Variants in PCDHGB5 observed in about 807,000 individuals in gnomAD.
PCDHGB5 encodes protocadherin gamma-B5.
PCDHGB5 carries 48 observed loss-of-function variants against 62.9 expected under a neutral mutation model. The observed-to-expected ratio is 0.76, with a 90% CI of 0.61 to 0.97. PCDHGB5 has a LOEUF of 0.97. Among genes scored for constraint, PCDHGB5 ranks in the 50% least tolerant of loss-of-function variants. The pLI, the probability that PCDHGB5 is intolerant of heterozygous loss-of-function variation, is 0.00. For synonymous variants in PCDHGB5, 474 were observed against 511.2 expected, an observed-to-expected ratio of 0.93 and a Z score of 0.98; for missense variants, 1,118 against 1,198.6, an observed-to-expected ratio of 0.93 and a Z score of 0.99.
At chr5:141,414,733 G>A (rs768741206) in intron 1 of PCDHGB5, 2 of 1,614,174 alleles carry the variant, frequency 1.2e-6, no homozygotes. Flanking sequence ...CGTCCTGTAT[G>A]CACTCAGATC....
intron 1 of PCDHGB5, among the ~76,000 whole-genome samples, chr5:141,443,477 C>T (rs1279226136): frequency 6.6e-6 from 1 of 152,116 alleles, no homozygotes; most frequent in Non-Finnish European, 1.5e-5. Flanking sequence ...CAGAATTAGA[C>T]CCTGTCCCAA....
chr5:141,509,046 C>T (rs1442220429), intron 3 of PCDHGB5, among the ~76,000 whole-genome samples: 1 of 152,160 alleles, frequency 6.6e-6, no homozygotes, highest in Non-Finnish European at 1.5e-5. Flanking sequence ...CTCTCCCCCG[C>T]CCCCAGAAAG....
chr5:141,468,486 TG>T (rs1562016448), intron 1 of PCDHGB5: 14 of 152,288 alleles, frequency 9.2e-5, no homozygotes. Context: ...GTAGGTCTCA[TG>T]GAAGATTTTC....
Position 141,405,415 on chromosome 5 carries a change from GT to G in PCDHGB5, c.2397+4897del, listed in dbSNP as rs757320616. The G allele has an allele frequency of 3.1e-4, 488 of 1,559,566 alleles. 1 individual carries two copies. Among genetic ancestry groups the G allele is most frequent in the Admixed American group, 8.4e-4 (46 of 54,770 alleles). On this transcript the variant is annotated intron_variant, in intron 1 of 3. Transcript: ENST00000617380. Reference sequence around the variant, plus strand: ...TTTTCTTTCTTTCTTTTCTTTTTTTGTTTTTTGTTTTGTTTTGTTTTTGAGA... The same window carrying G: ...TTTTCTTTCTTTCTTTTCTTTTTTTGTTTTTGTTTTGTTTTGTTTTTGAGA...
intron 1 of PCDHGB5, among the ~76,000 whole-genome samples, chr5:141,438,833 T>C (rs989612425): frequency 6.6e-6 from 1 of 150,476 alleles, no homozygotes; most frequent in Non-Finnish European, 1.5e-5. Context: ...AGCTAATTTT[T>C]TAAAATATTT....
chr5:141,413,921 C>G, intron 1 of PCDHGB5: 2 of 1,613,360 alleles, frequency 1.2e-6, no homozygotes, highest in Middle Eastern at 1.6e-4. Flanking sequence ...TTCACCTTGC[C>G]AGAATACCGA....
At chr5:141,425,457 T>G (rs936918643) in intron 1 of PCDHGB5, among the ~76,000 whole-genome samples, 6 of 152,318 alleles carry the variant, frequency 3.9e-5, no homozygotes, top group Admixed American at 6.5e-5. Flanking sequence ...ACCATCACAT[T>G]TCATGTTATT....
chr5:141,405,974 A>T (rs1194827537), intron 1 of PCDHGB5, among the ~76,000 whole-genome samples: 1 of 152,002 alleles, frequency 6.6e-6, no homozygotes, highest in Non-Finnish European at 1.5e-5. Context: ...AACGTAAACC[A>T]TACTTCATGG....
intron 1 of PCDHGB5, among the ~76,000 whole-genome samples, chr5:141,456,544 G>C (rs1020609068): frequency 6.6e-6 from 1 of 152,192 alleles, no homozygotes; most frequent in Non-Finnish European, 1.5e-5. Context: ...AGGGATTGTA[G>C]CCACTCGGGG....
intron 1 of PCDHGB5, chr5:141,422,106 C>T: frequency 6.2e-7 from 1 of 1,607,266 alleles, no homozygotes; most frequent in Non-Finnish European, 8.5e-7. Flanking sequence ...CTGAAATATT[C>T]CAATTGGATT....
chr5:141,491,438 G>T lies in PCDHGB5; in HGVS notation c.2398-3369G>T, dbSNP rs376927300. 3.7e-6 allele frequency: 6 copies of T among 1,613,948 alleles called. No homozygotes were observed. The African/African-American group carries it at 4.0e-5, about 11-fold the overall frequency. ...GGGGGTGGAGGGCAGTGCTGCAGGCGCCAGGACTCACCCTCCCCGGACTTC... is the reference window on the plus strand; with the variant it reads ...GGGGGTGGAGGGCAGTGCTGCAGGCTCCAGGACTCACCCTCCCCGGACTTC... On this transcript the variant is annotated intron_variant, in intron 1 of 3. Transcript: ENST00000617380. The surrounding 1 kb of genome is among the most constrained non-coding windows in gnomAD (Gnocchi z 6.9).
rs764070772 is a variant in PCDHGB5, at chr5:141,476,415, C to T, written c.2398-18392C>T. ...CTGGATCGAGAGGAGCTGTGTGGGACACTGCCCTCTTGCACTGTAACTCTG... is the reference window on the plus strand; with the variant it reads ...CTGGATCGAGAGGAGCTGTGTGGGATACTGCCCTCTTGCACTGTAACTCTG... On this transcript the variant is annotated intron_variant, in intron 1 of 3. Transcript: ENST00000617380. This position sits in a 1 kb window ranked among gnomAD's most constrained non-coding sequence, Gnocchi z 7.6. 2.5e-6 allele frequency: 4 copies of T among 1,614,098 alleles called. No homozygotes were observed. The South Asian group carries it at 4.4e-5, about 18-fold the overall frequency.
intron 1 of PCDHGB5, chr5:141,419,102 A>G (rs201327680): frequency 4.5e-5 from 73 of 1,613,748 alleles, no homozygotes; most frequent in Non-Finnish European, 5.9e-5. Flanking sequence ...TCGGGAGCAG[A>G]CCCCAGAGTA....
At chr5:141,506,993 C>T (rs781663602) in intron 3 of PCDHGB5, 18 of 152,184 alleles carry the variant, frequency 1.2e-4, no homozygotes, top group Non-Finnish European at 1.8e-4. Context: ...TTCTCACACT[C>T]GACAGATGAG....
At chr5:141,474,126 A>G (rs1450071391) in intron 1 of PCDHGB5, among the ~76,000 whole-genome samples, 2 of 152,232 alleles carry the variant, frequency 1.3e-5, no homozygotes, top group African/African-American at 4.8e-5. Context: ...AAAATCTCAG[A>G]AAACTACAGG....
chr5:141,435,409 G>A (rs1387678336), intron 1 of PCDHGB5, among the ~76,000 whole-genome samples: 1 of 152,066 alleles, frequency 6.6e-6, no homozygotes, highest in African/African-American at 2.4e-5. Context: ...AAATGGTAAA[G>A]ACTATTTTTC....
At chr5:141,405,020 A>G in intron 1 of PCDHGB5, 1 of 1,613,342 alleles carries the variant, frequency 6.2e-7, no homozygotes, top group Non-Finnish European at 8.5e-7. Context: ...CTCAGACCTT[A>G]CCCTCTACCT....
In PCDHGB5 at chr5:141,433,040, A is replaced by ACGGACT. The variant is rs753119003; in HGVS notation, c.2397+32519_2397+32524dup. The ACGGACT allele has an allele frequency of 8.1e-6, 13 of 1,614,088 alleles. No homozygotes were observed. In the African/African-American group the frequency reaches 1.7e-4, roughly 22 times the overall value. On this transcript the variant is annotated intron_variant, in intron 1 of 3. Transcript: ENST00000617380. ...CTATTCCCACGAGGTTTCCCTCACC[A>ACGGACT]CGGACTCGCGGAAGAGTCACCTGAT...
At chr5:141,507,003 G>A (rs569257489) in intron 3 of PCDHGB5, 3 of 152,342 alleles carry the variant, frequency 2.0e-5, no homozygotes, top group African/African-American at 7.2e-5. Context: ...CGACAGATGA[G>A]AGAACCGAGA....
Sources: allele counts gnomAD v4.1 joint callset (sites outside exome capture counted in the v4.1 genomes callset), GRCh38; gene constraint gnomAD v4.1.1; non-coding constraint Gnocchi (gnomAD v3.1); transcripts MANE v1.5; gene names NCBI Gene and HGNC (gene_info 2026-07-23, HGNC 2026-07-21).